The following ZNF667 variants were observed in gnomAD, a reference collection of about 807,000 sequenced individuals.
ZNF667 encodes the protein zinc finger protein 667, also known as myocardial ischemic preconditioning upregulated 1 ortholog.
In ZNF667, 13 loss-of-function variants were observed where a neutral mutation model predicts 31.8. The observed-to-expected ratio is 0.41, with a 90% CI of 0.27 to 0.65. ZNF667 has a LOEUF of 0.65. ZNF667 is among the 30% of genes least tolerant of loss of function. The pLI is 0.32. For missense variants in ZNF667, 642 were observed against 725.6 expected (o/e 0.88, Z 1.32); for synonymous variants, 228 against 247.1 (o/e 0.92, Z 0.73).
At chr19:56,453,419 G>T (rs958581634) in intron 6 of ZNF667, among the ~76,000 whole-genome samples, 3 of 152,000 alleles carry the variant, frequency 2.0e-5, no homozygotes, top group African/African-American at 7.2e-5. Context: ...ATCAAAAAAA[G>T]AGCTTAATAT....
intron 3 of ZNF667, among the ~76,000 whole-genome samples, chr19:56,462,971 A>AG (rs1255136777): frequency 6.6e-6 from 1 of 152,176 alleles, no homozygotes; most frequent in Non-Finnish European, 1.5e-5. Context: ...TGTGGGTGCT[A>AG]GGGGAAGAGC....
chr19:56,447,859 T>C (rs915505256), intron 6 of ZNF667, among the ~76,000 whole-genome samples: 3 of 151,996 alleles, frequency 2.0e-5, no homozygotes, highest in Non-Finnish European at 4.4e-5. Flanking sequence ...CCAGCCTAGG[T>C]GACAGAGGGA....
Position 56,469,474 on chromosome 19 carries a change from C to T in ZNF667, c.-60+2225G>A, listed in dbSNP as rs117667177. Among the ~76,000 whole-genome samples the T allele has an allele frequency of 2.2e-3, 339 of 152,262 alleles. 11 individuals are homozygous for T. In the East Asian group the frequency reaches 0.06, roughly 27 times the overall value. On this transcript the variant is annotated intron_variant, in intron 3 of 6. Coordinates refer to ENST00000504904, the MANE Select transcript of ZNF667 (RefSeq NM_001321356.2). ...CCTCTCAATTGGGGACAATACAGAA[C>T]CTACTTCTGGAGGGAGTTGTAAGAA... is the stretch of plus-strand genomic sequence containing the variant.
At position 56,441,798 on chromosome 19, in the gene ZNF667, T is replaced by G. The variant is rs138567096; in HGVS notation, c.1197A>C (p.Ser399=). 6,015 of 1,614,074 alleles carry G rather than the reference T, an allele frequency of 3.7e-3. 12 individuals are homozygous for G. Among genetic ancestry groups the G allele is most frequent in the Non-Finnish European group, 4.7e-3 (5,521 of 1,179,990 alleles). Residue 399 remains serine, a synonymous_variant, in exon 7 of 7, where the codon TCA becomes TCC. Coordinates refer to ENST00000504904, the MANE Select transcript of ZNF667 (RefSeq NM_001321356.2). The surrounding 1 kb of genome is among the most constrained non-coding windows in gnomAD (Gnocchi z 4.2). The part of the protein sequence containing the change: ...NKCEKVCNRH[S]SLIQHQKVHT... ...GAACTTTCTGATGTTGAATAAGGGA[T>G]GAATGCCGATTGCAGACCTTCTCAC...
At chr19:56,460,540 A>C (rs2043023461) in intron 5 of ZNF667, 149 bp downstream of exon 5, 1 of 777,764 alleles carries the variant, frequency 1.3e-6, no homozygotes, top group Non-Finnish European at 1.9e-6. Flanking sequence ...TGTACTTTTT[A>C]TGGGTGAATT....
At chr19:56,448,320 G>C (rs537144746) in intron 6 of ZNF667, among the ~76,000 whole-genome samples, 23 of 152,294 alleles carry the variant, frequency 1.5e-4, no homozygotes, top group African/African-American at 5.5e-4. Flanking sequence ...GTCCACCACA[G>C]TGGTGGAAAC....
intron 5 of ZNF667, among the ~76,000 whole-genome samples, chr19:56,458,472 T>C (rs778649333): frequency 5.9e-5 from 9 of 152,226 alleles, no homozygotes; most frequent in Admixed American, 1.3e-4. Flanking sequence ...GGGAATCTCC[T>C]GCATATGTGT....
rs1445488377 is a variant in ZNF667, at chr19:56,442,526, A to G, written c.469T>C (p.Phe157Leu). Residue 157 changes from phenylalanine (F) to leucine (L), a missense_variant, in exon 7 of 7, where the codon TTC becomes CTC. Transcript: ENST00000504904. ...ATGTTCTGATGAAGTTTAAGAGAGAAGCTTCGACTAAAGGTTTTACCACAG... is the reference window on the plus strand; with the variant it reads ...ATGTTCTGATGAAGTTTAAGAGAGAGGCTTCGACTAAAGGTTTTACCACAG... ...NDCGKTFSRS[F>L]SLKLHQNIHT... The G allele has an allele frequency of 2.5e-6, 4 of 1,613,692 alleles. No homozygotes were observed. The African/African-American group carries it at 4.0e-5, about 16-fold the overall frequency.
intron 6 of ZNF667, among the ~76,000 whole-genome samples, chr19:56,447,403 T>C (rs2042729222): frequency 6.6e-6 from 1 of 152,204 alleles, no homozygotes; most frequent in Non-Finnish European, 1.5e-5. Flanking sequence ...GAAAGATTTA[T>C]GGCCTATCCA....
intron 3 of ZNF667, among the ~76,000 whole-genome samples, chr19:56,469,341 G>A (rs1237181227): frequency 6.6e-6 from 1 of 152,178 alleles, no homozygotes; most frequent in Non-Finnish European, 1.5e-5. Context: ...GCGGCCCCCA[G>A]TGGTGGTAAA....
chr19:56,466,315 G>C (rs1485053370), intron 3 of ZNF667, among the ~76,000 whole-genome samples: 4 of 152,184 alleles, frequency 2.6e-5, no homozygotes, highest in African/African-American at 7.2e-5. Context: ...TGCAGACTCC[G>C]AAACATAAGC....
At chr19:56,444,482 CA>C (rs2042684014) in intron 6 of ZNF667, among the ~76,000 whole-genome samples, 1 of 151,964 alleles carries the variant, frequency 6.6e-6, no homozygotes, top group Admixed American at 6.6e-5. Context: ...CCACAGACCC[CA>C]CCTCCAACAC....
In ZNF667 at chr19:56,464,661, CACTT is replaced by C. The variant is rs560190881; in HGVS notation, c.-59-2236_-59-2233del. Among the ~76,000 whole-genome samples, 4 of 152,322 alleles carry C rather than the reference CACTT, an allele frequency of 2.6e-5. No individual in the cohort carries two copies. In the South Asian group the frequency reaches 8.3e-4, roughly 32 times the overall value. ...TTGTATTGCCCCATTTTCCACATAG[CACTT>C]ACCGCTTTCTGAAAACAGCTTCTTT... On this transcript the variant is annotated intron_variant, in intron 3 of 6. Coordinates refer to ENST00000504904, the MANE Select transcript of ZNF667 (RefSeq NM_001321356.2).
intron 6 of ZNF667, chr19:56,449,523 TAA>T: frequency 7.2e-6 from 2 of 276,398 alleles, no homozygotes; most frequent in Admixed American, 4.5e-5. Flanking sequence ...CTACTAAAAA[TAA>T]AAAAAAATTA....
chr19:56,452,421 C>T (rs934507470), intron 6 of ZNF667, among the ~76,000 whole-genome samples: 7 of 152,052 alleles, frequency 4.6e-5, no homozygotes, highest in African/African-American at 7.2e-5. Context: ...CATATGAAAA[C>T]ATGCTGCAAC....
chr19:56,477,401 T>C (rs945126685), upstream of ZNF667: 9 of 151,794 alleles, frequency 5.9e-5, no homozygotes, highest in Non-Finnish European at 7.4e-5. Flanking sequence ...GCACCACGCA[T>C]GCGGGCGCGT....
At chr19:56,465,443 A>G (rs2043138260) in intron 3 of ZNF667, among the ~76,000 whole-genome samples, 1 of 152,260 alleles carries the variant, frequency 6.6e-6, no homozygotes, top group Non-Finnish European at 1.5e-5. Context: ...CTCTCTTTGT[A>G]GGATGAAGTT....
chr19:56,449,165 T>A (rs1324988160), intron 6 of ZNF667: 1 of 301,262 alleles, frequency 3.3e-6, no homozygotes, highest in Non-Finnish European at 6.6e-6. Context: ...CCCCTTTGAA[T>A]ACATGGAGAG....
rs771422859 is a variant in ZNF667 at position 56,458,245 on chromosome 19, G to T, written c.163C>A (p.Leu55Ile). ...ENYRNLVSLG[L>I]SFRRPNVITL... is the part of the protein sequence containing the mutation. ...ATCACATTTGGTCTCCGAAAGGAAAGACCTGTACGTGGGACAAACATGGGA... is the reference window on the plus strand; with the variant it reads ...ATCACATTTGGTCTCCGAAAGGAAATACCTGTACGTGGGACAAACATGGGA... The change falls in exon 6 of 7, where the codon CTT becomes ATT. Residue 55 changes from leucine (L) to isoleucine (I), a missense_variant and splice_region_variant. Leu to Ile is a conservative substitution (Grantham distance 5). Transcript: ENST00000504904. 1.9e-6 allele frequency: 3 copies of T among 1,613,838 alleles called. No individual in the cohort carries two copies. Among genetic ancestry groups the T allele is most frequent in the Non-Finnish European group, 2.5e-6 (3 of 1,179,810 alleles).
Sources: gnomAD v4.1 joint callset for allele counts (sites outside exome capture counted in the v4.1 genomes callset) on GRCh38, gnomAD v4.1.1 for gene constraint, Gnocchi (gnomAD v3.1) non-coding constraint, MANE v1.5 for transcripts, NCBI Gene and HGNC (gene_info 2026-07-23, HGNC 2026-07-21) for gene names.